Variants in LSAMP observed in about 807,000 individuals in gnomAD.
LSAMP encodes the protein limbic system associated membrane protein.
LSAMP carries 7 observed loss-of-function variants against 38.6 expected under a neutral mutation model. The observed-to-expected ratio is 0.18, with a 90% CI of 0.10 to 0.34. LSAMP has a LOEUF of 0.34. Among genes scored for constraint, LSAMP ranks in the 10% least tolerant of loss-of-function variants. LSAMP has a pLI of 1.00. For missense variants in LSAMP, 313 were observed against 420.0 expected, an observed-to-expected ratio of 0.75 and a Z score of 2.23; for synonymous variants, 154 against 166.8, an observed-to-expected ratio of 0.92 and a Z score of 0.59.
chr3:116,293,824 C>T lies in LSAMP; in HGVS notation c.155+151053G>A, dbSNP rs112626869. ...AGGCAGGAATTGTTCTATACTTTGA[C>T]GGTTTTAGTTATATGCATGTATTAT... On this transcript the variant is annotated intron_variant, in intron 1 of 6. Coordinates refer to ENST00000490035, the MANE Select transcript of LSAMP (RefSeq NM_002338.5). Among the ~76,000 whole-genome samples the T allele has an allele frequency of 3.3e-3, 499 of 151,988 alleles. 5 individuals are homozygous for T. Among genetic ancestry groups the T allele is most frequent in the African/African-American group, 0.012 (483 of 41,428 alleles).
At chr3:116,222,256 T>G (rs905897689) in intron 1 of LSAMP, among the ~76,000 whole-genome samples, 1 of 148,954 alleles carries the variant, frequency 6.7e-6, no homozygotes, top group Admixed American at 6.6e-5. Flanking sequence ...TTATCCCTAT[T>G]TTATGACTTC....
chr3:116,058,381 C>T (rs1208264349), intron 2 of LSAMP, among the ~76,000 whole-genome samples: 1 of 151,358 alleles, frequency 6.6e-6, no homozygotes, highest in Non-Finnish European at 1.5e-5. Context: ...GTTTTCTAAA[C>T]CAGAGGAACA....
intron 2 of LSAMP, among the ~76,000 whole-genome samples, chr3:116,050,072 C>T (rs1489799773): frequency 6.6e-6 from 1 of 152,170 alleles, no homozygotes; most frequent in African/African-American, 2.4e-5. Flanking sequence ...TTGTCTCTGG[C>T]TTCCAATTGG....
intron 3 of LSAMP, among the ~76,000 whole-genome samples, chr3:115,924,643 G>A (rs1347142994): frequency 1.3e-5 from 2 of 152,204 alleles, no homozygotes; most frequent in Non-Finnish European, 2.9e-5. Flanking sequence ...GGCTGATAAA[G>A]TAGGGAGAAA....
chr3:116,073,946 A>G (rs1559732258), intron 2 of LSAMP, among the ~76,000 whole-genome samples: 2 of 152,240 alleles, frequency 1.3e-5, no homozygotes, highest in Admixed American at 6.5e-5. Flanking sequence ...GCCAAAAATC[A>G]TATAAAAAGG....
In LSAMP at chr3:116,123,896, T is replaced by G. The variant is rs548871242; in HGVS notation, c.156-37340A>C. Among the ~76,000 whole-genome samples the G allele has an allele frequency of 1.1e-3, 165 of 152,266 alleles. 1 individual carries two copies. Among genetic ancestry groups the G allele is most frequent in the Middle Eastern group, 3.4e-3 (1 of 294 alleles). ...GAAAAGACTATTCACTAAGAAACTA[T>G]AAGAATACAACTCTCAAATAAGAGA... On this transcript the variant is annotated intron_variant, in intron 1 of 6. Coordinates refer to ENST00000490035, the MANE Select transcript of LSAMP (RefSeq NM_002338.5).
intron 1 of LSAMP, among the ~76,000 whole-genome samples, chr3:116,348,902 T>C (rs1183056763): frequency 1.3e-5 from 2 of 152,148 alleles, no homozygotes; most frequent in African/African-American, 4.8e-5. Context: ...ACTTTTAAAA[T>C]ATGTATTATC....
chr3:115,854,928 G>A (rs1411605243), intron 3 of LSAMP, among the ~76,000 whole-genome samples: 1 of 152,174 alleles, frequency 6.6e-6, no homozygotes, highest in Non-Finnish European at 1.5e-5. Context: ...GAGAATAATG[G>A]TAAATTTTAA....
chr3:116,234,649 T>A (rs578224259), intron 1 of LSAMP, among the ~76,000 whole-genome samples: 2 of 152,278 alleles, frequency 1.3e-5, no homozygotes, highest in Admixed American at 1.3e-4. Flanking sequence ...CAGGTTTTAA[T>A]GGAAAGATAA....
At chr3:116,094,237 C>A (rs1033007493) in intron 1 of LSAMP, among the ~76,000 whole-genome samples, 2 of 152,200 alleles carry the variant, frequency 1.3e-5, no homozygotes, top group Non-Finnish European at 2.9e-5. Context: ...TGTGGGAATT[C>A]ACTGCTGACA....
intron 1 of LSAMP, among the ~76,000 whole-genome samples, chr3:116,103,655 AGT>A (rs1022464539): frequency 1.3e-5 from 2 of 149,092 alleles, no homozygotes; most frequent in East Asian, 2.0e-4. Context: ...GCTCTTATGC[AGT>A]GTGAGTCCCT....
At chr3:116,211,497 TAAA>T (rs1335470288) in intron 1 of LSAMP, among the ~76,000 whole-genome samples, 3 of 152,258 alleles carry the variant, frequency 2.0e-5, no homozygotes, top group East Asian at 1.9e-4. Context: ...TGATAAATAA[TAAA>T]GCAATAACCA....
intron 6 of LSAMP, among the ~76,000 whole-genome samples, chr3:115,826,094 TTCTG>T (rs1165090808): frequency 1.3e-5 from 2 of 150,656 alleles, no homozygotes; most frequent in South Asian, 2.1e-4. Flanking sequence ...CTTCTTCTCT[TTCTG>T]TCTTTTATTT....
rs185298603 is a variant in LSAMP at position 116,230,470 on chromosome 3, G to A, written c.156-143914C>T. ...GCTGTTTTCATATATTTCAAAATTC[G>A]ATTTCTTGGTTCCCATATGACAGTA... On this transcript the variant is annotated intron_variant, in intron 1 of 6. Transcript: ENST00000490035. Among the ~76,000 whole-genome samples the A allele has an allele frequency of 9.9e-5, 15 of 152,172 alleles. No individual in the cohort carries two copies. The East Asian group carries it at 1.5e-3, about 16-fold the overall frequency.
At chr3:115,925,267 GA>G (rs1395927850) in intron 3 of LSAMP, among the ~76,000 whole-genome samples, 2 of 152,214 alleles carry the variant, frequency 1.3e-5, no homozygotes, top group Non-Finnish European at 2.9e-5. Context: ...AATGTAAAAA[GA>G]GGAGAGGGAT....
intron 2 of LSAMP, among the ~76,000 whole-genome samples, chr3:116,071,104 C>A (rs1018888630): frequency 2.7e-5 from 4 of 148,952 alleles, no homozygotes; most frequent in Non-Finnish European, 5.9e-5. Flanking sequence ...AAATAATGTA[C>A]CTACATGAGG....
chr3:115,886,156 T>C (rs1462208526), intron 3 of LSAMP, among the ~76,000 whole-genome samples: 2 of 151,862 alleles, frequency 1.3e-5, no homozygotes, highest in African/African-American at 4.8e-5. Context: ...TCCATATCAG[T>C]GAGGAGGCAT....
At chr3:115,932,893 A>G (rs2107543814) in intron 3 of LSAMP, among the ~76,000 whole-genome samples, 1 of 152,360 alleles carries the variant, frequency 6.6e-6, no homozygotes, top group Non-Finnish European at 1.5e-5. Flanking sequence ...AAGAGAATGC[A>G]CTGTCAGAAA....
At chr3:116,338,680 G>T (rs755424212) in intron 1 of LSAMP, among the ~76,000 whole-genome samples, 1 of 152,024 alleles carries the variant, frequency 6.6e-6, no homozygotes, top group Non-Finnish European at 1.5e-5. Context: ...AAGGGGAGAA[G>T]GAGTTAATAG....
Sources: gnomAD v4.1 joint callset for allele counts (sites outside exome capture counted in the v4.1 genomes callset) on GRCh38, gnomAD v4.1.1 for gene constraint, MANE v1.5 for transcripts, NCBI Gene and HGNC (gene_info 2026-07-23, HGNC 2026-07-21) for gene names.